Variants in BCAS3 observed in about 807,000 individuals in gnomAD.
BCAS3 encodes the protein BCAS4/BCAS3 fusion.
BCAS3 carries 53 observed loss-of-function variants against 116.1 expected under a neutral mutation model. That is an observed-to-expected ratio of 0.46 (90% confidence interval 0.37 to 0.57). BCAS3 has a LOEUF of 0.57. Ranked by LOEUF, BCAS3 falls within the 20% of genes least tolerant of loss-of-function variation. BCAS3 has a pLI of 0.00. For missense variants in BCAS3, 917 were observed against 1,165.4 expected (o/e 0.79, Z 3.10); for synonymous variants, 391 against 408.2 (o/e 0.96, Z 0.51).
At chr17:60,886,548 G>C (rs1470626777) in intron 9 of BCAS3, 1 of 151,904 alleles carries the variant, frequency 6.6e-6, no homozygotes, top group Non-Finnish European at 1.5e-5. Flanking sequence ...CAGTTTTTCT[G>C]TTCTGTTTTT....
Position 61,256,663 on chromosome 17 carries a change from A to G in BCAS3, c.2426-111664A>G, listed in dbSNP as rs2144570406. Among the ~76,000 whole-genome samples, 1 of 152,266 alleles carries G rather than the reference A, an allele frequency of 6.6e-6. No homozygotes were observed. The highest frequency in any genetic ancestry group is 6.5e-5 in the Admixed American group (1 of 15,298). ...TGCTATGTGTCCAGGGTTGTTGCCC[A>G]CTTCCTGCCTTTGAAACCAGTGAAT... On this transcript the variant is annotated intron_variant, in intron 22 of 23. Transcript: ENST00000407086. This position sits in a 1 kb window ranked among gnomAD's most constrained non-coding sequence, Gnocchi z 5.6.
At chr17:61,114,205 T>A (rs1436854504) in intron 22 of BCAS3, among the ~76,000 whole-genome samples, 1 of 132,920 alleles carries the variant, frequency 7.5e-6, no homozygotes, top group Non-Finnish European at 1.6e-5. Context: ...CTCTCACCAC[T>A]CCTATTCAAC....
At chr17:61,050,842 G>T (rs1044232827) in intron 19 of BCAS3, among the ~76,000 whole-genome samples, 4 of 152,016 alleles carry the variant, frequency 2.6e-5, no homozygotes, top group Non-Finnish European at 2.9e-5. Flanking sequence ...TTTCAAGTGT[G>T]CAGGGAATAT....
rs1555807771 is a variant in BCAS3 at position 61,285,259 on chromosome 17, T to TGTGTGTGTGTGTGTGTGTGTG, written c.2426-83068_2426-83067insGTGTGTGTGTGTGTGTGTGTG. On this transcript the variant is annotated intron_variant, in intron 22 of 23. Coordinates refer to ENST00000407086, the MANE Select transcript of BCAS3 (RefSeq NM_017679.5). The surrounding 1 kb of genome is among the most constrained non-coding windows in gnomAD (Gnocchi z 5.4). ...TGTGTGTGTGTGTGTGTGTGTGTGT[T>TGTGTGTGTGTGTGTGTGTGTG]TCTTGCTAAAATGCAGCAAAGGAAG... Among the ~76,000 whole-genome samples, 134 of 129,090 alleles carry TGTGTGTGTGTGTGTGTGTGTG rather than the reference T, an allele frequency of 1.0e-3. No homozygotes were observed. The highest frequency in any genetic ancestry group is 4.6e-3 in the African/African-American group (134 of 28,858). The allele number at this position is 129,090 out of a possible 152,430, so 84.7% of individuals were successfully genotyped here.
chr17:61,391,866 G>T lies in BCAS3; in HGVS notation c.2594-111G>T. On this transcript the variant is annotated intron_variant, in intron 23 of 23. Coordinates refer to ENST00000407086, the MANE Select transcript of BCAS3 (RefSeq NM_017679.5). The surrounding 1 kb of genome is among the most constrained non-coding windows in gnomAD (Gnocchi z 7.7). ...GCAGGCGGGGATCCCCCTGCGGAAG[G>T]ACACAAGTGAACCCAGAATGGTGCC... The T allele has an allele frequency of 8.3e-7, 1 of 1,202,206 alleles. No homozygotes were observed. The highest frequency in any genetic ancestry group is 1.2e-6 in the Non-Finnish European group (1 of 852,290). 74.5% of individuals were successfully genotyped at this position (1,202,206 alleles called of 1,614,324 possible). A position where few individuals can be genotyped will look rare whatever the true frequency, so the allele number is the denominator to read the frequency against.
chr17:60,804,726 A>G (rs1042752374), intron 6 of BCAS3, among the ~76,000 whole-genome samples: 1 of 152,028 alleles, frequency 6.6e-6, no homozygotes, highest in Non-Finnish European at 1.5e-5. Flanking sequence ...CTCATGTCTG[A>G]GTATATGTGT....
intron 22 of BCAS3, among the ~76,000 whole-genome samples, chr17:61,298,486 T>C (rs906002038): frequency 3.3e-5 from 5 of 152,204 alleles, no homozygotes; most frequent in African/African-American, 1.2e-4. Flanking sequence ...TGGAAACTCT[T>C]CCAAATGCCC....
chr17:60,839,138 C>T (rs2051647183), intron 7 of BCAS3, among the ~76,000 whole-genome samples: 1 of 152,120 alleles, frequency 6.6e-6, no homozygotes, highest in African/African-American at 2.4e-5. Context: ...ACATTTCTTT[C>T]ATAATTTGAA....
At chr17:61,123,234 C>T (rs1375448195) in intron 22 of BCAS3, among the ~76,000 whole-genome samples, 1 of 152,114 alleles carries the variant, frequency 6.6e-6, no homozygotes, top group African/African-American at 2.4e-5. Context: ...TGATCCACCA[C>T]ACCCAGCCAC....
intron 15 of BCAS3, among the ~76,000 whole-genome samples, chr17:60,997,242 C>T (rs771143894): frequency 6.6e-6 from 1 of 152,198 alleles, no homozygotes. Context: ...AGCCTGGTTT[C>T]GTACAGGCCA....
At chr17:60,784,844 C>G (rs1192451581) in intron 6 of BCAS3, among the ~76,000 whole-genome samples, 1 of 151,914 alleles carries the variant, frequency 6.6e-6, no homozygotes, top group South Asian at 2.1e-4. Context: ...GCCTGTAATC[C>G]CAGTACTTTG....
rs572045061 is a variant in BCAS3, at chr17:61,120,599, A to G, written c.2425+36035A>G. ...AGGTAGTTTTGACACTTAGCAACCC[A>G]TCACCAAACTAGTTTTATATGCTAC... On this transcript the variant is annotated intron_variant, in intron 22 of 23. Transcript: ENST00000407086. Among the ~76,000 whole-genome samples the G allele has an allele frequency of 5.9e-5, 9 of 152,214 alleles. No homozygotes were observed. The South Asian group carries it at 1.5e-3, about 25-fold the overall frequency.
At chr17:60,963,875 T>G (rs1326251143) in intron 14 of BCAS3, among the ~76,000 whole-genome samples, 1 of 152,218 alleles carries the variant, frequency 6.6e-6, no homozygotes, top group Non-Finnish European at 1.5e-5. Context: ...GGTTTTTGTA[T>G]GTTCATTTTA....
rs1228949999 is a variant in BCAS3, at chr17:61,349,981, G to C, written c.2426-18346G>C. ...TAATCTCTCCTGAACAATTGGCTTT[G>C]GGACATTGTCTTTCTAGGAAAAATA... On this transcript the variant is annotated intron_variant, in intron 22 of 23. Transcript: ENST00000407086. The surrounding 1 kb of genome is among the most constrained non-coding windows in gnomAD (Gnocchi z 4.7). 6.6e-6 allele frequency among the ~76,000 whole-genome samples: 1 copy of C among 152,092 alleles called. No individual in the cohort carries two copies. Among genetic ancestry groups the C allele is most frequent in the East Asian group, 1.9e-4 (1 of 5,196 alleles).
In BCAS3 at chr17:61,068,251, G is replaced by C. The variant is rs1430301369; in HGVS notation, c.2030-6669G>C. On this transcript the variant is annotated intron_variant, in intron 19 of 23. Coordinates refer to ENST00000407086, the MANE Select transcript of BCAS3 (RefSeq NM_017679.5). This position sits in a 1 kb window ranked among gnomAD's most constrained non-coding sequence, Gnocchi z 4.3. ...AATAAACTCTATTAAGTTTTTTTTA[G>C]TACCTCCATTCGAAGAAAGGTGGAA... Among the ~76,000 whole-genome samples, 1 of 151,830 alleles carries C rather than the reference G, an allele frequency of 6.6e-6. No homozygotes were observed. The highest frequency in any genetic ancestry group is 1.5e-5 in the Non-Finnish European group (1 of 67,964).
intron 13 of BCAS3, among the ~76,000 whole-genome samples, chr17:60,933,223 A>G (rs1247956530): frequency 6.6e-6 from 1 of 152,222 alleles, no homozygotes; most frequent in Non-Finnish European, 1.5e-5. Flanking sequence ...TAAGAACAAT[A>G]GATTAGTATA....
At chr17:61,373,804 CTTTGTTT>C (rs1326026546) in intron 23 of BCAS3, among the ~76,000 whole-genome samples, 11 of 76,132 alleles carry the variant, frequency 1.4e-4, no homozygotes, top group South Asian at 5.4e-4. Flanking sequence ...TCTTCTTCTT[CTTTGTTT>C]TTTTTTTTTT....
At chr17:60,727,052 A>G (rs926670493) in intron 5 of BCAS3, 8 of 260,088 alleles carry the variant, frequency 3.1e-5, no homozygotes, top group African/African-American at 1.6e-4. Context: ...AGACTTTAAA[A>G]AAAAATTATT....
chr17:60,856,534 C>CA (rs952899609), intron 7 of BCAS3, among the ~76,000 whole-genome samples: 14 of 151,856 alleles, frequency 9.2e-5, no homozygotes, highest in African/African-American at 3.1e-4. Flanking sequence ...ACTGAAAATA[C>CA]AAAAAAATTA....
Sources: allele counts gnomAD v4.1 joint callset (sites outside exome capture counted in the v4.1 genomes callset), GRCh38; gene constraint gnomAD v4.1.1; non-coding constraint Gnocchi (gnomAD v3.1); transcripts MANE v1.5; gene names NCBI Gene and HGNC (gene_info 2026-07-23, HGNC 2026-07-21).